The following PRKAG2 variants were observed in gnomAD, a reference collection of about 807,000 sequenced individuals.
PRKAG2 encodes 5'-AMP-activated protein kinase subunit gamma-2.
PRKAG2 carries 26 observed loss-of-function variants against 69.6 expected under a neutral mutation model. That is an observed-to-expected ratio of 0.37 (90% confidence interval 0.27 to 0.52). The LOEUF (loss-of-function observed/expected upper bound fraction) is 0.52, where lower values mean the gene tolerates loss of function less well. PRKAG2 is among the 20% of genes least tolerant of loss of function. The pLI is 0.90. For synonymous variants in PRKAG2, 293 were observed against 285.0 expected, an observed-to-expected ratio of 1.03 and a Z score of -0.28; for missense variants, 557 against 740.0, an observed-to-expected ratio of 0.75 and a Z score of 2.87.
At chr7:151,697,668 G>C (rs530736709) in intron 3 of PRKAG2, among the ~76,000 whole-genome samples, 1 of 152,230 alleles carries the variant, frequency 6.6e-6, no homozygotes, top group African/African-American at 2.4e-5. Context: ...GCTGTGGGGG[G>C]CACAGAGAAT....
rs80152245 is a variant in PRKAG2, at chr7:151,818,525, G to A, written c.115-31984C>T. ...AGCCAATCTCGGCACCAGGCCGGCAGGGCAGCTTGCAGAGGGAGTATCTGC... is the reference window on the plus strand; with the variant it reads ...AGCCAATCTCGGCACCAGGCCGGCAAGGCAGCTTGCAGAGGGAGTATCTGC... On this transcript the variant is annotated intron_variant, in intron 1 of 15. Coordinates refer to ENST00000287878, the MANE Select transcript of PRKAG2 (RefSeq NM_016203.4). Among the ~76,000 whole-genome samples the A allele has an allele frequency of 4.7e-3, 717 of 152,378 alleles. 1 individual carries two copies. The highest frequency in any genetic ancestry group is 0.015 in the African/African-American group (639 of 41,584).
At chr7:151,808,010 A>G (rs1470659196) in intron 1 of PRKAG2, among the ~76,000 whole-genome samples, 2 of 152,104 alleles carry the variant, frequency 1.3e-5, no homozygotes, top group East Asian at 1.9e-4. Flanking sequence ...CCTCTGCCCA[A>G]GTGAGCACAG....
intron 3 of PRKAG2, among the ~76,000 whole-genome samples, chr7:151,705,636 C>G (rs187623131): frequency 1.1e-4 from 17 of 152,306 alleles, no homozygotes; most frequent in Non-Finnish European, 2.4e-4. Flanking sequence ...GAAAGCAATT[C>G]TATTTGTCCA....
chr7:151,615,603 A>T (rs960488976), intron 5 of PRKAG2, among the ~76,000 whole-genome samples: 2 of 152,226 alleles, frequency 1.3e-5, no homozygotes, highest in Admixed American at 1.3e-4. Flanking sequence ...ACGGCAAAAT[A>T]AACTATCAAC....
intron 2 of PRKAG2, among the ~76,000 whole-genome samples, chr7:151,785,454 A>G (rs2076956485): frequency 6.6e-6 from 1 of 152,146 alleles, no homozygotes; most frequent in African/African-American, 2.4e-5. Context: ...GGGCCACGAG[A>G]GCTGCTAATA....
At chr7:151,674,342 G>C (rs1832559202) in intron 4 of PRKAG2, among the ~76,000 whole-genome samples, 1 of 152,204 alleles carries the variant, frequency 6.6e-6, no homozygotes, top group African/African-American at 2.4e-5. Context: ...AGAACAGTGA[G>C]ACAGTACATT....
rs1029059749 is a variant in PRKAG2, at chr7:151,850,112, C to T, written c.114+26395G>A. ...ACCCACACCGCCTAAACCGAGGGGC[C>T]GTGCACACAGGTGGCTCAGTGTCTG... On this transcript the variant is annotated intron_variant, in intron 1 of 15. Coordinates refer to ENST00000287878, the MANE Select transcript of PRKAG2 (RefSeq NM_016203.4). The surrounding 1 kb of genome is among the most constrained non-coding windows in gnomAD (Gnocchi z 4.1). 6.6e-5 allele frequency among the ~76,000 whole-genome samples: 10 copies of T among 152,072 alleles called. No homozygotes were observed. Among genetic ancestry groups the T allele is most frequent in the African/African-American group, 1.7e-4 (7 of 41,400 alleles).
intron 3 of PRKAG2, among the ~76,000 whole-genome samples, chr7:151,767,189 A>G (rs1205088108): frequency 6.6e-6 from 1 of 152,246 alleles, no homozygotes; most frequent in African/African-American, 2.4e-5. Context: ...ACCAGGAGAA[A>G]GAACAGACGC....
intron 1 of PRKAG2, among the ~76,000 whole-genome samples, chr7:151,838,576 G>T (rs1335932348): frequency 1.1e-4 from 17 of 151,712 alleles, no homozygotes; most frequent in African/African-American, 3.4e-4. Flanking sequence ...GTGTGGTGGT[G>T]CATGCCTGTG....
intron 3 of PRKAG2, among the ~76,000 whole-genome samples, chr7:151,716,881 T>G (rs1012595613): frequency 6.6e-6 from 1 of 152,050 alleles, no homozygotes; most frequent in African/African-American, 2.4e-5. Flanking sequence ...CCAGAGCGTT[T>G]TAGGGAAATG....
chr7:151,864,858 C>G (rs573767801), intron 1 of PRKAG2, among the ~76,000 whole-genome samples: 1 of 152,044 alleles, frequency 6.6e-6, no homozygotes, highest in Non-Finnish European at 1.5e-5. Context: ...AGTTTCCATA[C>G]AGCCGTGGTG....
Position 151,807,244 on chromosome 7 carries a change from G to A in PRKAG2, c.115-20703C>T. Reference sequence around the variant, plus strand: ...ATGTAAATCACACCTCAATAAAGCTGACCAAAAAGTGGCCAGTCAGCCACC... The same window carrying A: ...ATGTAAATCACACCTCAATAAAGCTAACCAAAAAGTGGCCAGTCAGCCACC... On this transcript the variant is annotated intron_variant, in intron 1 of 15. Coordinates refer to ENST00000287878, the MANE Select transcript of PRKAG2 (RefSeq NM_016203.4). The surrounding 1 kb of genome is among the most constrained non-coding windows in gnomAD (Gnocchi z 4.4). 1 of 374,550 alleles carries A rather than the reference G, an allele frequency of 2.7e-6. No individual in the cohort carries two copies. Among genetic ancestry groups the A allele is most frequent in the East Asian group, 7.3e-5 (1 of 13,732 alleles). 23.2% of individuals were successfully genotyped at this position (374,550 alleles called of 1,614,324 possible).
intron 1 of PRKAG2, among the ~76,000 whole-genome samples, chr7:151,844,651 C>T (rs1013286506): frequency 6.6e-6 from 1 of 152,188 alleles, no homozygotes; most frequent in Non-Finnish European, 1.5e-5. Flanking sequence ...TTATTTCTAT[C>T]GTGAGTCATG....
chr7:151,696,301 C>T (rs547397419), intron 3 of PRKAG2, among the ~76,000 whole-genome samples: 42 of 152,368 alleles, frequency 2.8e-4, no homozygotes, highest in Non-Finnish European at 4.1e-4. Flanking sequence ...CGTGCAGCCG[C>T]CTGGGCAGCT....
At chr7:151,734,472 G>A (rs968792292) in intron 3 of PRKAG2, among the ~76,000 whole-genome samples, 2 of 152,278 alleles carry the variant, frequency 1.3e-5, no homozygotes, top group Non-Finnish European at 1.5e-5. Context: ...ACTGGGGTAG[G>A]GGTCCTGCTG....
At chr7:151,626,888 G>T (rs75547721) in intron 5 of PRKAG2, among the ~76,000 whole-genome samples, 1 of 151,988 alleles carries the variant, frequency 6.6e-6, no homozygotes, top group African/African-American at 2.4e-5. Context: ...GTGGCCCTTT[G>T]GGTGGCCAAA....
At chr7:151,586,329 G>A (rs1811660841) in intron 6 of PRKAG2, among the ~76,000 whole-genome samples, 1 of 139,404 alleles carries the variant, frequency 7.2e-6, no homozygotes, top group South Asian at 2.3e-4. Flanking sequence ...TGAATCTCCT[G>A]TAAATTTTTT....
At chr7:151,767,393 C>T (rs906867326) in intron 3 of PRKAG2, among the ~76,000 whole-genome samples, 2 of 152,210 alleles carry the variant, frequency 1.3e-5, no homozygotes, top group South Asian at 2.1e-4. Flanking sequence ...CGGGTTCAAG[C>T]GATTCTCCTG....
chr7:151,823,353 G>A (rs1006060540), intron 1 of PRKAG2, among the ~76,000 whole-genome samples: 1 of 151,736 alleles, frequency 6.6e-6, no homozygotes, highest in Non-Finnish European at 1.5e-5. Flanking sequence ...CTGCTGTTAT[G>A]GGTTAAAGTG....
Sources: gnomAD v4.1 joint callset for allele counts (sites outside exome capture counted in the v4.1 genomes callset) on GRCh38, gnomAD v4.1.1 for gene constraint, Gnocchi (gnomAD v3.1) non-coding constraint, MANE v1.5 for transcripts, NCBI Gene and HGNC (gene_info 2026-07-23, HGNC 2026-07-21) for gene names.